NCOA6: variants seen among roughly 807,000 people sequenced by gnomAD.
NCOA6 encodes the protein nuclear receptor coactivator 6, also known as NRC RAP250.
Under a neutral mutation model 171.4 loss-of-function variants are expected in NCOA6, and 49 were observed. The observed-to-expected ratio is 0.29, with a 90% CI of 0.23 to 0.36. NCOA6 has a LOEUF of 0.36. NCOA6 is among the 10% of genes least tolerant of loss of function. NCOA6 has a pLI of 1.00. For missense variants in NCOA6, 2,248 were observed against 2,554.5 expected, an observed-to-expected ratio of 0.88 and a Z score of 2.59; for synonymous variants, 910 against 927.5, an observed-to-expected ratio of 0.98 and a Z score of 0.34.
At chr20:34,785,755 T>C (rs1442339144) in intron 2 of NCOA6, among the ~76,000 whole-genome samples, 3 of 152,082 alleles carry the variant, frequency 2.0e-5, no homozygotes, top group Non-Finnish European at 2.9e-5. Context: ...TGGACTTTGA[T>C]AGTCTCCCTA....
chr20:34,774,925 G>A (rs1306914559), intron 4 of NCOA6, among the ~76,000 whole-genome samples: 1 of 152,166 alleles, frequency 6.6e-6, no homozygotes, highest in African/African-American at 2.4e-5. Context: ...ATGATCTGAG[G>A]GAGAGAAACA....
At chr20:34,823,680 A>T (rs1380462630) in intron 1 of NCOA6, among the ~76,000 whole-genome samples, 2 of 151,834 alleles carry the variant, frequency 1.3e-5, no homozygotes, top group African/African-American at 4.8e-5. Context: ...GTAAACACCT[A>T]GAAGAGAAGG....
intron 2 of NCOA6, among the ~76,000 whole-genome samples, chr20:34,786,654 T>G (rs2077690660): frequency 6.6e-6 from 1 of 152,196 alleles, no homozygotes; most frequent in Non-Finnish European, 1.5e-5. Flanking sequence ...GTTGTGTGGT[T>G]ATGAGTGAAC....
intron 7 of NCOA6, among the ~76,000 whole-genome samples, chr20:34,756,578 TCA>T (rs1305717390): frequency 1.3e-5 from 2 of 152,208 alleles, no homozygotes; most frequent in African/African-American, 2.4e-5. Context: ...GTTTTACCTC[TCA>T]CACATTAAGC....
chr20:34,786,129 T>C (rs1051969124), intron 2 of NCOA6, among the ~76,000 whole-genome samples: 4 of 152,226 alleles, frequency 2.6e-5, no homozygotes, highest in South Asian at 2.1e-4. Flanking sequence ...TTTATGTACA[T>C]AGAGGTGTTT....
At chr20:34,786,835 T>C (rs2077697391) in intron 2 of NCOA6, among the ~76,000 whole-genome samples, 1 of 152,032 alleles carries the variant, frequency 6.6e-6, no homozygotes, top group South Asian at 2.1e-4. Flanking sequence ...TCAAAATGGA[T>C]TAAAGACTTA....
intron 12 of NCOA6, among the ~76,000 whole-genome samples, chr20:34,734,148 C>T (rs1421393879): frequency 1.3e-5 from 2 of 150,992 alleles, no homozygotes; most frequent in East Asian, 3.9e-4. Context: ...CACTGCAACC[C>T]CCACCTCCAG....
chr20:34,807,861 T>A (rs2078510376), intron 1 of NCOA6, among the ~76,000 whole-genome samples: 1 of 146,338 alleles, frequency 6.8e-6, no homozygotes. Context: ...AGAAACAGTA[T>A]CTTGCTGGCG....
At chr20:34,730,146 G>T (rs530390315) in intron 13 of NCOA6, among the ~76,000 whole-genome samples, 2 of 151,802 alleles carry the variant, frequency 1.3e-5, no homozygotes, top group African/African-American at 4.8e-5. Context: ...ATGGCTCATT[G>T]CAGCCCTGAC....
intron 7 of NCOA6, 84 bp from the exon 8 acceptor site, chr20:34,754,952 T>C (rs1202358194): frequency 2.8e-6 from 4 of 1,422,214 alleles, no homozygotes; most frequent in East Asian, 2.3e-5. Flanking sequence ...AAGGATGAGC[T>C]GCATGAAGTC....
At chr20:34,735,859 C>T (rs1483249545) in intron 12 of NCOA6, among the ~76,000 whole-genome samples, 1 of 151,920 alleles carries the variant, frequency 6.6e-6, no homozygotes, top group Non-Finnish European at 1.5e-5. Context: ...AGCATGGCTA[C>T]TATTGCTTTT....
chr20:34,818,785 T>C (rs1023420407), intron 1 of NCOA6, among the ~76,000 whole-genome samples: 1 of 152,244 alleles, frequency 6.6e-6, no homozygotes, highest in African/African-American at 2.4e-5. Context: ...TGCAGAGTTC[T>C]AGCCAGTTTC....
At chr20:34,760,004 A>T (rs976437087) in intron 5 of NCOA6, among the ~76,000 whole-genome samples, 4 of 152,176 alleles carry the variant, frequency 2.6e-5, no homozygotes, top group Non-Finnish European at 5.9e-5. Context: ...TAGGTCAGGC[A>T]TGGTAGCTCA....
chr20:34,727,270 C>T lies in NCOA6; in HGVS notation c.6137G>A (p.Ser2046Asn). 1 of 1,614,128 alleles carries T rather than the reference C, an allele frequency of 6.2e-7. No individual in the cohort carries two copies. The highest frequency in any genetic ancestry group is 1.1e-5 in the South Asian group (1 of 91,080). The change falls in exon 14 of 15, where the codon AGC becomes AAC. Residue 2046 changes from serine to asparagine, a missense_variant. Physicochemically the swap from Ser to Asn is conservative, Grantham distance 46 (BLOSUM62 1). This residue lies in a region of NCOA6 where 884 missense variants were observed against 941.9 expected (regional missense o/e 0.94). Coordinates refer to ENST00000359003, the MANE Select transcript of NCOA6 (RefSeq NM_014071.5). ...KRSSRPASAS[S>N]STKDITSAVQ... ...ATCCCACTGCTAACCTTTAGTAGAGCTGGAGGCTGAAGCAGGTCGAGAAGA... is the reference window on the plus strand; with the variant it reads ...ATCCCACTGCTAACCTTTAGTAGAGTTGGAGGCTGAAGCAGGTCGAGAAGA...
chr20:34,741,512 G>A lies in NCOA6; in HGVS notation c.4744C>T (p.Pro1582Ser). 6.2e-7 allele frequency: 1 copy of A among 1,614,174 alleles called. No homozygotes were observed. The highest frequency in any genetic ancestry group is 1.1e-5 in the South Asian group (1 of 91,084). ...GTGGAAATGGAGGAAGAGCTAACAG[G>A]TCTTGACATTACTGGAGGGATGCTT... is the stretch of plus-strand genomic sequence containing the variant. ...APSIPPVMSRPVSSSSISTPL... is the reference protein window; with the variant it reads ...APSIPPVMSRSVSSSSISTPL... The change falls in exon 11 of 15, where the codon CCT (proline) becomes TCT (serine). Residue 1582 changes from proline to serine, a missense_variant. Pro to Ser is a moderately conservative substitution (Grantham distance 74, BLOSUM62 -1). This residue lies in a region of NCOA6 where 884 missense variants were observed against 941.9 expected (regional missense o/e 0.94). Transcript: ENST00000359003.
intron 9 of NCOA6, 75 bp downstream of exon 9, chr20:34,749,327 TA>T: frequency 6.8e-7 from 1 of 1,472,542 alleles, no homozygotes; most frequent in Non-Finnish European, 9.1e-7. Context: ...TTATATTCTG[TA>T]AAATTTTCCA....
chr20:34,773,122 GTTTACTTGTT>G (rs997655878), intron 4 of NCOA6, among the ~76,000 whole-genome samples: 1 of 152,090 alleles, frequency 6.6e-6, no homozygotes, highest in Non-Finnish European at 1.5e-5. Context: ...ATCCTGCCAT[GTTTACTTGTT>G]TACATATCGC....
chr20:34,738,357 T>C (rs1159558311), intron 11 of NCOA6, among the ~76,000 whole-genome samples: 1 of 152,218 alleles, frequency 6.6e-6, no homozygotes, highest in Admixed American at 6.5e-5. Context: ...TCTAGTATAA[T>C]ATATGATCCA....
chr20:34,815,026 A>G (rs6058120), intron 1 of NCOA6, among the ~76,000 whole-genome samples: 84,665 of 152,058 alleles, frequency 0.56, 24,088 homozygotes, highest in South Asian at 0.76. Flanking sequence ...ACCACAATTC[A>G]AATGAGTATT....
Sources: gnomAD v4.1 joint callset for allele counts (sites outside exome capture counted in the v4.1 genomes callset) on GRCh38, gnomAD v4.1.1 for gene constraint, gnomAD v4.1.1 regional missense constraint, MANE v1.5 for transcripts, NCBI Gene and HGNC (gene_info 2026-07-23, HGNC 2026-07-21) for gene names.